The following KLF13 variants were observed in gnomAD, a reference collection of about 807,000 sequenced individuals.
KLF13 encodes KLF transcription factor 13, also known as Krueppel-like factor 13.
In KLF13, 8 loss-of-function variants were observed where a neutral mutation model predicts 16.7. That is an observed-to-expected ratio of 0.48 (90% CI 0.28 to 0.87). KLF13 has a LOEUF of 0.87. Ranked by LOEUF, KLF13 falls within the 40% of genes least tolerant of loss-of-function variation. The pLI, the probability that KLF13 is intolerant of heterozygous loss-of-function variation, is 0.10. For synonymous variants in KLF13, 245 were observed against 208.4 expected (o/e 1.18, Z -1.51); for missense variants, 447 against 452.2 (o/e 0.99, Z 0.10).
intron 1 of KLF13, among the ~76,000 whole-genome samples, chr15:31,412,530 C>T (rs2040207688): frequency 1.3e-5 from 2 of 151,774 alleles, no homozygotes; most frequent in African/African-American, 4.8e-5. Flanking sequence ...TACAAGGATA[C>T]AAGTTTAATA....
At chr15:31,358,545 T>G (rs1164017163) in intron 1 of KLF13, among the ~76,000 whole-genome samples, 2 of 152,252 alleles carry the variant, frequency 1.3e-5, no homozygotes, top group African/African-American at 2.4e-5. Flanking sequence ...CATCTCTCTA[T>G]CTTCTTTGGT....
At chr15:31,370,657 G>A (rs570887464) in intron 1 of KLF13, among the ~76,000 whole-genome samples, 1 of 152,082 alleles carries the variant, frequency 6.6e-6, no homozygotes, top group African/African-American at 2.4e-5. Context: ...GATCTCAAGT[G>A]ATCCACCCGC....
rs570290709 is a variant in KLF13 at position 31,366,931 on chromosome 15, A to G, written c.578-5079A>G. Among the ~76,000 whole-genome samples, 5 of 152,374 alleles carry G rather than the reference A, an allele frequency of 3.3e-5. No homozygotes were observed. The East Asian group carries it at 7.7e-4, about 23-fold the overall frequency. Reference sequence around the variant, plus strand: ...TTCTCCCAAAAGAGTACAGTAGGCTATTGCAGATGCTACAGGATGTGTGAC... The same window carrying G: ...TTCTCCCAAAAGAGTACAGTAGGCTGTTGCAGATGCTACAGGATGTGTGAC... On this transcript the variant is annotated intron_variant, in intron 1 of 1. Coordinates refer to ENST00000307145, the MANE Select transcript of KLF13 (RefSeq NM_015995.4).
chr15:31,333,150 A>G (rs2140931622), intron 1 of KLF13, among the ~76,000 whole-genome samples: 1 of 152,364 alleles, frequency 6.6e-6, no homozygotes, highest in East Asian at 1.9e-4. Flanking sequence ...GTTAGTTTAC[A>G]TCAAGCTATC....
intron 2 of KLF13, among the ~76,000 whole-genome samples, chr15:31,399,020 T>C (rs866944826): frequency 3.6e-4 from 55 of 152,152 alleles, no homozygotes; most frequent in African/African-American, 1.3e-3. Context: ...GCGAGCCCCT[T>C]ATCCTGCCTC....
rs908117561 is a variant in KLF13, at chr15:31,373,752, G to A, written c.*1453G>A. ...CAGCAAACTCCTCTGCAGATGGCTG[G>A]AGTGTTGACCCAGGCTTGTGGCCCA... On this transcript the variant is annotated 3_prime_UTR_variant, in exon 2 of 2. Coordinates refer to ENST00000307145, the MANE Select transcript of KLF13 (RefSeq NM_015995.4). 3.3e-5 allele frequency: 5 copies of A among 152,292 alleles called. No homozygotes were observed. The highest frequency in any genetic ancestry group is 1.2e-4 in the African/African-American group (5 of 41,430). The allele number at this position is 152,292 out of a possible 1,614,324, so 9.4% of individuals were successfully genotyped here.
At chr15:31,424,819 A>G (rs980999581) in intron 1 of KLF13, among the ~76,000 whole-genome samples, 8 of 151,822 alleles carry the variant, frequency 5.3e-5, no homozygotes, top group African/African-American at 1.9e-4. Flanking sequence ...AAATCTGAAT[A>G]GAAGAAGTAA....
At chr15:31,335,512 C>A in intron 1 of KLF13, among the ~76,000 whole-genome samples, 1 of 150,464 alleles carries the variant, frequency 6.6e-6, no homozygotes, top group Non-Finnish European at 1.5e-5. Flanking sequence ...GAGGGCACAG[C>A]ATGGCACCGA....
intron 1 of KLF13, among the ~76,000 whole-genome samples, chr15:31,343,046 C>T (rs146292643): frequency 1.8e-3 from 280 of 152,372 alleles, no homozygotes; most frequent in Non-Finnish European, 3.3e-3. Context: ...GGAGTTTCCG[C>T]ATCCCCCTGC....
In KLF13 at chr15:31,372,861, A is replaced by G. The variant is rs2039578509; in HGVS notation, c.*562A>G. On this transcript the variant is annotated 3_prime_UTR_variant, in exon 2 of 2. Transcript: ENST00000307145. ...CCTGGCTGGGCTTGCAACGCAGCTG[A>G]TTCTGAGACAGGCCCCTGCAGAGGG... 1 of 152,538 alleles carries G rather than the reference A, an allele frequency of 6.6e-6. No homozygotes were observed. The highest frequency in any genetic ancestry group is 1.9e-4 in the East Asian group (1 of 5,216). 9.4% of individuals were successfully genotyped at this position (152,538 alleles called of 1,614,324 possible).
intron 2 of KLF13, among the ~76,000 whole-genome samples, chr15:31,400,376 T>G (rs1476627140): frequency 6.6e-6 from 1 of 151,984 alleles, no homozygotes; most frequent in Non-Finnish European, 1.5e-5. Context: ...GGACCCCACA[T>G]GGAGGGGGTG....
chr15:31,422,396 A>G (rs1461342078), intron 1 of KLF13, among the ~76,000 whole-genome samples: 1 of 152,206 alleles, frequency 6.6e-6, no homozygotes, highest in East Asian at 1.9e-4. Flanking sequence ...TTTTCAGGGT[A>G]GCAGGACAGA....
chr15:31,359,637 G>A (rs1433545483), intron 1 of KLF13, among the ~76,000 whole-genome samples: 1 of 152,224 alleles, frequency 6.6e-6, no homozygotes, highest in Admixed American at 6.5e-5. Context: ...CCATCTTCCT[G>A]AGGTAACCTC....
intron 1 of KLF13, among the ~76,000 whole-genome samples, chr15:31,346,846 C>G (rs1212359069): frequency 1.3e-5 from 2 of 152,226 alleles, no homozygotes; most frequent in Non-Finnish European, 2.9e-5. Flanking sequence ...TGCCACCACT[C>G]TGCACCCCTC....
At chr15:31,333,175 A>G (rs536594067) in intron 1 of KLF13, among the ~76,000 whole-genome samples, 1 of 152,300 alleles carries the variant, frequency 6.6e-6, no homozygotes, top group Non-Finnish European at 1.5e-5. Context: ...CTTCACAAGG[A>G]CCCTATGAAG....
downstream of KLF13, among the ~76,000 whole-genome samples, chr15:31,380,221 G>C (rs1308648469): frequency 6.6e-6 from 1 of 152,288 alleles, no homozygotes; most frequent in South Asian, 2.1e-4. Context: ...GAACCCGGGA[G>C]GCAGAGGTTG....
In KLF13 at chr15:31,372,473, A is replaced by G; in HGVS notation, c.*174A>G. 2 of 724,158 alleles carry G rather than the reference A, an allele frequency of 2.8e-6. No individual in the cohort carries two copies. Among genetic ancestry groups the G allele is most frequent in the African/African-American group, 1.8e-5 (1 of 54,516 alleles). 44.9% of individuals were successfully genotyped at this position (724,158 alleles called of 1,614,324 possible). The stretch of plus-strand genomic sequence containing the variant: ...AAACAAAAAAAACACAAAAATTTCA[A>G]AAAACACCACCCACCAAATTGCACA... On this transcript the variant is annotated 3_prime_UTR_variant, in exon 2 of 2. Coordinates refer to ENST00000307145, the MANE Select transcript of KLF13 (RefSeq NM_015995.4).
At chr15:31,359,474 A>G (rs2039349249) in intron 1 of KLF13, among the ~76,000 whole-genome samples, 1 of 152,166 alleles carries the variant, frequency 6.6e-6, no homozygotes, top group African/African-American at 2.4e-5. Flanking sequence ...GGTTCTGTGG[A>G]AGCAGTCCCA....
intron 1 of KLF13, among the ~76,000 whole-genome samples, chr15:31,337,068 C>G (rs2038940614): frequency 6.6e-6 from 1 of 152,176 alleles, no homozygotes; most frequent in Admixed American, 6.5e-5. Flanking sequence ...ACTTACTGCC[C>G]CGTTGTCCTC....
Sources: gnomAD v4.1 joint callset for allele counts (sites outside exome capture counted in the v4.1 genomes callset) on GRCh38, gnomAD v4.1.1 for gene constraint, MANE v1.5 for transcripts, NCBI Gene and HGNC (gene_info 2026-07-23, HGNC 2026-07-21) for gene names.